MRE11: variants seen among roughly 807,000 people sequenced by gnomAD.
MRE11 encodes the protein double-strand break repair protein MRE11.
MRE11 carries 62 observed loss-of-function variants against 91.7 expected under a neutral mutation model. The observed-to-expected ratio is 0.68, with a 90% CI of 0.55 to 0.84. The LOEUF is 0.84. Ranked by LOEUF, MRE11 falls within the 40% of genes least tolerant of loss-of-function variation. MRE11 has a pLI of 0.00. For missense variants in MRE11, 796 were observed against 852.9 expected, an observed-to-expected ratio of 0.93 and a Z score of 0.83; for synonymous variants, 273 against 271.4, an observed-to-expected ratio of 1.01 and a Z score of -0.06.
chr11:94,451,480 T>C (rs1388631286), intron 14 of MRE11, among the ~76,000 whole-genome samples: 3 of 152,150 alleles, frequency 2.0e-5, no homozygotes, highest in East Asian at 3.9e-4. Flanking sequence ...CCAAACTGTT[T>C]TCACAATGCC....
chr11:94,480,173 T>C (rs1946978664), intron 4 of MRE11, among the ~76,000 whole-genome samples: 2 of 152,174 alleles, frequency 1.3e-5, no homozygotes, highest in Non-Finnish European at 2.9e-5. Context: ...CTGTTCAAAT[T>C]AAAGTCTCCT....
intron 19 of MRE11, among the ~76,000 whole-genome samples, chr11:94,421,081 T>G (rs913769729): frequency 6.6e-6 from 1 of 151,808 alleles, no homozygotes; most frequent in East Asian, 1.9e-4. Context: ...ATTGTATGCA[T>G]GGTAAGAATA....
the MRE11 span, among the ~76,000 whole-genome samples, chr11:94,503,232 C>T: frequency 6.6e-6 from 1 of 152,076 alleles, no homozygotes; most frequent in Non-Finnish European, 1.5e-5. Context: ...TTCCCGTTTA[C>T]CCTTGCCCCA....
intron 4 of MRE11, among the ~76,000 whole-genome samples, chr11:94,484,696 A>C (rs1013117069): frequency 6.6e-6 from 1 of 152,200 alleles, no homozygotes; most frequent in Non-Finnish European, 1.5e-5. Context: ...TGCGACTGAA[A>C]GGGTACTTCA....
chr11:94,466,157 C>T (rs1392042817), intron 10 of MRE11, among the ~76,000 whole-genome samples: 1 of 152,058 alleles, frequency 6.6e-6, no homozygotes, highest in Admixed American at 6.6e-5. Flanking sequence ...TCCACTGCAC[C>T]CAGGGGACGG....
intron 16 of MRE11, among the ~76,000 whole-genome samples, chr11:94,445,192 T>C (rs13447703): frequency 0.038 from 5,764 of 152,348 alleles, 164 homozygotes; most frequent in Middle Eastern, 0.092. Flanking sequence ...AGTTCCTCTC[T>C]CTTTCGACCA....
intron 16 of MRE11, among the ~76,000 whole-genome samples, chr11:94,439,708 C>T (rs188595006): frequency 6.6e-6 from 1 of 152,324 alleles, no homozygotes; most frequent in East Asian, 1.9e-4. Flanking sequence ...TGCATTTTCT[C>T]ATTAATCCTC....
At chr11:94,494,332 A>G (rs1408894593), upstream of MRE11, among the ~76,000 whole-genome samples, 2 of 152,160 alleles carry the variant, frequency 1.3e-5, no homozygotes, top group African/African-American at 2.4e-5. Context: ...TAGGTCCTTG[A>G]GTTCAGCACA....
At chr11:94,507,644 T>C in the MRE11 span, among the ~76,000 whole-genome samples, 6 of 152,080 alleles carry the variant, frequency 3.9e-5, no homozygotes, top group East Asian at 7.7e-4. Context: ...GCCAGGTTTG[T>C]TGATTTTCAT....
At chr11:94,424,196 C>CTTA (rs1945248682) in intron 19 of MRE11, among the ~76,000 whole-genome samples, 1 of 152,198 alleles carries the variant, frequency 6.6e-6, no homozygotes, top group Admixed American at 6.5e-5. Context: ...ATCCACTGGA[C>CTTA]ACTAATGTTA....
chr11:94,512,081 G>C, the MRE11 span, among the ~76,000 whole-genome samples: 1 of 152,332 alleles, frequency 6.6e-6, no homozygotes, highest in Admixed American at 6.5e-5. Flanking sequence ...ACGGTGCCTT[G>C]CACTCACCTG....
At chr11:94,426,967 G>A (rs978887640) in intron 19 of MRE11, among the ~76,000 whole-genome samples, 3 of 152,098 alleles carry the variant, frequency 2.0e-5, no homozygotes, top group Non-Finnish European at 4.4e-5. Flanking sequence ...TATTCTATCA[G>A]ACATACAAAG....
chr11:94,486,058 A>G lies in MRE11; in HGVS notation c.180T>C (p.Asp60=), dbSNP rs1213393080. ...TTGAGGGCTTATTTTCATGAAAAAGATCACCACCTAACAAAATAAAATCCA... is the reference window on the plus strand; with the variant it reads ...TTGAGGGCTTATTTTCATGAAAAAGGTCACCACCTAACAAAATAAAATCCA... ...NEVDFILLGG[D]LFHENKPSRK... The change falls in exon 4 of 20, where the codon GAT becomes GAC. Residue 60 remains aspartate (D), a synonymous_variant. Transcript: ENST00000323929. 6 of 1,613,760 alleles carry G rather than the reference A, an allele frequency of 3.7e-6. No homozygotes were observed. The highest frequency in any genetic ancestry group is 5.1e-6 in the Non-Finnish European group (6 of 1,179,900).
At chr11:94,436,091 T>G (rs1945603451) in intron 17 of MRE11, among the ~76,000 whole-genome samples, 192 bp from the exon 18 acceptor site, 1 of 152,242 alleles carries the variant, frequency 6.6e-6, no homozygotes, top group African/African-American at 2.4e-5. Flanking sequence ...TTCACAAATG[T>G]TACTTTTTGC....
Position 94,469,201 on chromosome 11 carries a change from T to C in MRE11, c.1017+1270A>G, listed in dbSNP as rs371697497. Among the ~76,000 whole-genome samples the C allele has an allele frequency of 5.9e-5, 9 of 152,270 alleles. No individual in the cohort carries two copies. In the East Asian group the frequency reaches 1.5e-3, roughly 26 times the overall value. On this transcript the variant is annotated intron_variant, in intron 9 of 19. Transcript: ENST00000323929. ...GTCACCAAAGCCCACAGGATTTAGG[T>C]GAAGTTCATACAGTAGACCTCAACC...
upstream of MRE11, chr11:94,498,410 G>A (rs577218940): frequency 2.0e-5 from 32 of 1,613,500 alleles, no homozygotes; most frequent in African/African-American, 1.3e-4. Context: ...GAACCGTTAC[G>A]TCAAACCAGG....
intron 2 of MRE11, 66 bp from the exon 3 acceptor site, chr11:94,491,031 G>A (rs1432181684): frequency 1.0e-6 from 1 of 968,326 alleles, no homozygotes; most frequent in Non-Finnish European, 1.6e-6. Context: ...CAAACAAATT[G>A]AGACAAACTT....
intron 6 of MRE11, among the ~76,000 whole-genome samples, chr11:94,476,946 C>T (rs150257819): frequency 2.0e-5 from 3 of 152,202 alleles, no homozygotes; most frequent in Admixed American, 6.5e-5. Context: ...TCTTGAACTC[C>T]GGACCTCAAG....
chr11:94,456,280 C>T lies in MRE11; in HGVS notation c.1559G>A (p.Arg520His), dbSNP rs753148077. The change falls in exon 14 of 20, where the codon CGT becomes CAT. Residue 520 changes from arginine (R) to histidine (H), a missense_variant. Physicochemically the swap from Arg to His is conservative, Grantham distance 29. Coordinates refer to ENST00000323929, the MANE Select transcript of MRE11 (RefSeq NM_005591.4). Reference protein sequence around the residue: ...KNTNEEDDEVREAMTRARALR... With the variant: ...KNTNEEDDEVHEAMTRARALR... Reference sequence around the variant, plus strand: ...AATTTGCAGCAGAATAATTACCTCACGGACTTCATCATCTTCTTCATTAGT... The same window carrying T: ...AATTTGCAGCAGAATAATTACCTCATGGACTTCATCATCTTCTTCATTAGT... The T allele has an allele frequency of 1.2e-5, 19 of 1,613,088 alleles. No homozygotes were observed. Among genetic ancestry groups the T allele is most frequent in the Middle Eastern group, 3.3e-4 (2 of 6,080 alleles).
Sources: allele counts gnomAD v4.1 joint callset (sites outside exome capture counted in the v4.1 genomes callset), GRCh38; gene constraint gnomAD v4.1.1; transcripts MANE v1.5; gene names NCBI Gene and HGNC (gene_info 2026-07-23, HGNC 2026-07-21).